Variants in DCDC2 observed in about 807,000 individuals in gnomAD.
DCDC2 encodes doublecortin domain-containing protein 2.
Under a neutral mutation model 50.2 loss-of-function variants are expected in DCDC2, and 40 were observed. That is an observed-to-expected ratio of 0.80 (90% CI 0.62 to 1.04). The LOEUF (loss-of-function observed/expected upper bound fraction) is 1.04, where lower values mean the gene tolerates loss of function less well. Among genes scored for constraint, DCDC2 ranks in the 50% least tolerant of loss-of-function variants. The pLI is 0.00. For synonymous variants in DCDC2, 234 were observed against 210.6 expected, an observed-to-expected ratio of 1.11 and a Z score of -0.96; for missense variants, 570 against 581.9, an observed-to-expected ratio of 0.98 and a Z score of 0.21.
upstream of DCDC2, among the ~76,000 whole-genome samples, chr6:24,362,175 AATTT>A (rs202218959): frequency 6.9e-3 from 1,043 of 151,636 alleles, 9 homozygotes; most frequent in African/African-American, 0.023. Flanking sequence ...TTTTCAATGT[AATTT>A]ATTTAATTGT....
chr6:24,206,325 G>C (rs1761717625), intron 7 of DCDC2, among the ~76,000 whole-genome samples: 1 of 152,074 alleles, frequency 6.6e-6, no homozygotes, highest in Non-Finnish European at 1.5e-5. Flanking sequence ...GGCAATAGCA[G>C]AGTATTATGG....
At chr6:24,272,231 G>C (rs1561752545) in intron 7 of DCDC2, among the ~76,000 whole-genome samples, 1 of 152,120 alleles carries the variant, frequency 6.6e-6, no homozygotes, top group Non-Finnish European at 1.5e-5. Context: ...TTTATTAATA[G>C]AGTTTAAATT....
chr6:24,230,365 G>A (rs1014698358), intron 7 of DCDC2, among the ~76,000 whole-genome samples: 2 of 152,328 alleles, frequency 1.3e-5, no homozygotes, highest in East Asian at 1.9e-4. Context: ...TCGAGAGCCA[G>A]GTGTGGTGGC....
rs1342289536 is a variant in DCDC2, at chr6:24,195,770, A to T, written c.1023+9232T>A. The stretch of plus-strand genomic sequence containing the variant: ...CACAAGTTGAGAATGATTGTTCTGG[A>T]AGACATCACTCTCTCTGTCTTCCAA... On this transcript the variant is annotated intron_variant, in intron 8 of 9. Coordinates refer to ENST00000378454, the MANE Select transcript of DCDC2 (RefSeq NM_016356.5). 4.6e-5 allele frequency among the ~76,000 whole-genome samples: 7 copies of T among 152,176 alleles called. No homozygotes were observed. In the East Asian group the frequency reaches 1.3e-3, roughly 29 times the overall value.
chr6:24,221,198 T>C (rs962445221), intron 7 of DCDC2, among the ~76,000 whole-genome samples: 4 of 152,210 alleles, frequency 2.6e-5, no homozygotes, highest in Admixed American at 1.3e-4. Flanking sequence ...CTCCTTGTTA[T>C]GTTCTGTGTC....
intron 8 of DCDC2, among the ~76,000 whole-genome samples, chr6:24,188,793 T>G (rs918618303): frequency 6.6e-6 from 1 of 152,140 alleles, no homozygotes; most frequent in Non-Finnish European, 1.5e-5. Context: ...TTCATTATAC[T>G]CTATCTTAAA....
chr6:24,351,420 G>T (rs910755990), intron 2 of DCDC2, among the ~76,000 whole-genome samples: 1 of 152,178 alleles, frequency 6.6e-6, no homozygotes, highest in Non-Finnish European at 1.5e-5. Flanking sequence ...TGGAAGATGC[G>T]GGAAAGAGCA....
At chr6:24,183,960 G>C (rs571543067) in intron 8 of DCDC2, among the ~76,000 whole-genome samples, 1 of 152,192 alleles carries the variant, frequency 6.6e-6, no homozygotes, top group African/African-American at 2.4e-5. Context: ...AAATGGAAGT[G>C]CAAAGGCTGA....
intron 7 of DCDC2, among the ~76,000 whole-genome samples, chr6:24,243,511 C>T (rs542156116): frequency 3.9e-5 from 6 of 152,226 alleles, no homozygotes; most frequent in African/African-American, 9.6e-5. Context: ...TTAAAATGCT[C>T]GGAATAACAC....
intron 7 of DCDC2, among the ~76,000 whole-genome samples, chr6:24,220,896 G>GAGCGAGCGAGAGAGTGAGCA (rs1198494512): frequency 1.0e-4 from 15 of 146,074 alleles, no homozygotes; most frequent in South Asian, 2.1e-4. Context: ...GAGAGTGAGC[G>GAGCGAGCGAGAGAGTGAGCA]AGCGAGCGAG....
intron 2 of DCDC2, among the ~76,000 whole-genome samples, chr6:24,309,518 A>G (rs1759534704): frequency 6.6e-6 from 1 of 152,188 alleles, no homozygotes; most frequent in South Asian, 2.1e-4. Flanking sequence ...TAAGTTAAGG[A>G]TGTATATTGT....
At position 24,243,260 on chromosome 6, in the gene DCDC2, G is replaced by A. The variant is rs1055129227; in HGVS notation, c.922+34789C>T. Among the ~76,000 whole-genome samples the A allele has an allele frequency of 3.9e-5, 6 of 152,312 alleles. No individual in the cohort carries two copies. The South Asian group carries it at 1.0e-3, about 26-fold the overall frequency. ...GTTGTCTGGAAAAGGCAAAGATGCA[G>A]GAAACCCCTGACCTGCAGATAACAG... On this transcript the variant is annotated intron_variant, in intron 7 of 9. Coordinates refer to ENST00000378454, the MANE Select transcript of DCDC2 (RefSeq NM_016356.5).
intron 4 of DCDC2, among the ~76,000 whole-genome samples, chr6:24,299,402 C>T (rs1186682254): frequency 6.6e-6 from 1 of 152,168 alleles, no homozygotes; most frequent in Admixed American, 6.5e-5. Flanking sequence ...TGGGTGACAA[C>T]ATCTGTACCC....
At chr6:24,349,067 A>G (rs1477585591) in intron 2 of DCDC2, among the ~76,000 whole-genome samples, 1 of 152,216 alleles carries the variant, frequency 6.6e-6, no homozygotes, top group East Asian at 1.9e-4. Context: ...AAAAAAAAGA[A>G]TGTCATTATT....
the DCDC2 span, among the ~76,000 whole-genome samples, chr6:24,369,438 G>A: frequency 6.6e-6 from 1 of 151,942 alleles, no homozygotes; most frequent in South Asian, 2.1e-4. Context: ...GTGATACCCC[G>A]TCTTTACTAA....
chr6:24,211,713 G>C (rs1234889252), intron 7 of DCDC2, among the ~76,000 whole-genome samples: 2 of 152,128 alleles, frequency 1.3e-5, no homozygotes, highest in Non-Finnish European at 2.9e-5. Flanking sequence ...GTAGAAACTG[G>C]AAAAACCATG....
At position 24,219,432 on chromosome 6, in the gene DCDC2, G is replaced by A. The variant is rs748686305; in HGVS notation, c.923-14330C>T. On this transcript the variant is annotated intron_variant, in intron 7 of 9. Transcript: ENST00000378454. Reference sequence around the variant, plus strand: ...TTTTCAAGTTCACAGGCAGCAAGTGGTAGAAGCAGGACTCTAATACAGCAG... The same window carrying A: ...TTTTCAAGTTCACAGGCAGCAAGTGATAGAAGCAGGACTCTAATACAGCAG... Among the ~76,000 whole-genome samples the A allele has an allele frequency of 9.2e-5, 14 of 152,306 alleles. No individual in the cohort carries two copies. In the Middle Eastern group the frequency reaches 0.014, roughly 148 times the overall value.
intron 2 of DCDC2, among the ~76,000 whole-genome samples, chr6:24,317,107 A>G (rs1759685761): frequency 6.6e-6 from 1 of 152,076 alleles, no homozygotes; most frequent in Non-Finnish European, 1.5e-5. Context: ...TTACAGATGT[A>G]TGTATGGAGA....
At chr6:24,247,753 C>T (rs1025606933) in intron 7 of DCDC2, among the ~76,000 whole-genome samples, 2 of 152,122 alleles carry the variant, frequency 1.3e-5, no homozygotes, top group East Asian at 3.9e-4. Context: ...TATTTTGAAA[C>T]TATGTTTCTT....
Sources: gnomAD v4.1 joint callset for allele counts (sites outside exome capture counted in the v4.1 genomes callset) on GRCh38, gnomAD v4.1.1 for gene constraint, MANE v1.5 for transcripts, NCBI Gene and HGNC (gene_info 2026-07-23, HGNC 2026-07-21) for gene names.